The following PRDM1 variants were observed in gnomAD, a reference collection of about 807,000 sequenced individuals.
The protein encoded by PRDM1 is PR domain zinc finger protein 1.
In PRDM1, 13 loss-of-function variants were observed where a neutral mutation model predicts 62.8. The ratio of observed to expected loss-of-function variants is 0.21; its 90% CI spans 0.13 to 0.33. PRDM1 has a LOEUF of 0.33. Among genes scored for constraint, PRDM1 ranks in the 10% least tolerant of loss-of-function variants. PRDM1 has a pLI of 1.00. For missense variants in PRDM1, 895 were observed against 1,058.8 expected (o/e 0.85, Z 2.15); for synonymous variants, 396 against 417.6 (o/e 0.95, Z 0.63).
intron 1 of PRDM1, among the ~76,000 whole-genome samples, chr6:106,059,292 G>A (rs1162395607): frequency 6.6e-6 from 1 of 152,174 alleles, no homozygotes; most frequent in Non-Finnish European, 1.5e-5. Flanking sequence ...GAGCTCTGTA[G>A]ACCAAAAAAG....
chr6:106,086,388 C>G lies in PRDM1; in HGVS notation c.-166C>G, dbSNP rs1454604021. On this transcript the variant is annotated 5_prime_UTR_variant, in exon 1 of 7. Transcript: ENST00000369096. ...TCGGCCCTCCAGTGTTGCGGAGAGGCAAGAGCAGCGACCGCGGCACCTGTC... is the reference window on the plus strand; with the variant it reads ...TCGGCCCTCCAGTGTTGCGGAGAGGGAAGAGCAGCGACCGCGGCACCTGTC... The G allele has an allele frequency of 1.7e-6, 1 of 598,810 alleles. No homozygotes were observed. The highest frequency in any genetic ancestry group is 2.9e-5 in the East Asian group (1 of 34,760). The allele number at this position is 598,810 out of a possible 1,614,324, so 37.1% of individuals were successfully genotyped here.
chr6:106,054,748 C>A (rs1426098546), intron 1 of PRDM1, among the ~76,000 whole-genome samples: 3 of 152,242 alleles, frequency 2.0e-5, no homozygotes, highest in East Asian at 1.9e-4. Context: ...TTGGAATGAA[C>A]AATAGCTATA....
chr6:106,085,365 C>A (rs138765774), upstream of PRDM1, among the ~76,000 whole-genome samples: 521 of 152,252 alleles, frequency 3.4e-3, 4 homozygotes, highest in African/African-American at 0.012. Flanking sequence ...GGGGTGTTTG[C>A]TATAAACATT....
Position 106,105,192 on chromosome 6 carries a change from C to G in PRDM1, c.1032C>G (p.Asp344Glu), listed in dbSNP as rs1287672190. The change falls in exon 5 of 7, where the codon GAC becomes GAG. Residue 344 changes from aspartate to glutamate, a missense_variant. Physicochemically the swap from Asp to Glu is conservative, Grantham distance 45. Coordinates refer to ENST00000369096, the MANE Select transcript of PRDM1 (RefSeq NM_001198.4). ...TPSPSARSSPDQSLKSSSPHS... is the reference protein window; with the variant it reads ...TPSPSARSSPEQSLKSSSPHS... ...GCCCCTCTGCAAGAAGCAGCCCCGA[C>G]CAAAGCCTCAAGAGCTCCAGCCCTC... 1.9e-6 allele frequency: 3 copies of G among 1,613,484 alleles called. No individual in the cohort carries two copies. Among genetic ancestry groups the G allele is most frequent in the Non-Finnish European group, 2.5e-6 (3 of 1,179,944 alleles).
intron 1 of PRDM1, among the ~76,000 whole-genome samples, chr6:106,034,619 C>T (rs1205142809): frequency 7.2e-6 from 1 of 139,592 alleles, no homozygotes; most frequent in Non-Finnish European, 1.5e-5. Context: ...GTCTTACAGT[C>T]TTTCATGTTC....
upstream of PRDM1, among the ~76,000 whole-genome samples, chr6:106,085,667 G>T (rs920266626): frequency 4.6e-5 from 7 of 152,118 alleles, no homozygotes; most frequent in African/African-American, 7.2e-5. Context: ...AACGACTAAT[G>T]CTCTACATTT....
chr6:106,073,528 C>T (rs1773554407), intron 1 of PRDM1, among the ~76,000 whole-genome samples: 1 of 152,182 alleles, frequency 6.6e-6, no homozygotes, highest in South Asian at 2.1e-4. Context: ...TGTCTATGTT[C>T]TCTGGTCAGC....
chr6:106,016,937 C>G, intron 1 of PRDM1, among the ~76,000 whole-genome samples: 1 of 152,148 alleles, frequency 6.6e-6, no homozygotes, highest in East Asian at 1.9e-4. Flanking sequence ...CAGGCATGAG[C>G]CACCGTGCCT....
intron 1 of PRDM1, among the ~76,000 whole-genome samples, chr6:106,006,964 C>T (rs1772491092): frequency 6.6e-6 from 1 of 152,002 alleles, no homozygotes; most frequent in South Asian, 2.1e-4. Flanking sequence ...CATGGCAACA[C>T]ACTGCACTCA....
chr6:106,081,335 A>G (rs1773691278), upstream of PRDM1, among the ~76,000 whole-genome samples: 1 of 152,184 alleles, frequency 6.6e-6, no homozygotes, highest in Admixed American at 6.5e-5. Flanking sequence ...CTTAGGATCC[A>G]TTACAGAACC....
At chr6:106,026,642 G>T (rs1772771028) in intron 1 of PRDM1, among the ~76,000 whole-genome samples, 1 of 152,164 alleles carries the variant, frequency 6.6e-6, no homozygotes, top group Non-Finnish European at 1.5e-5. Flanking sequence ...TGTCCAGTGT[G>T]GATGGATGAC....
intron 1 of PRDM1, among the ~76,000 whole-genome samples, chr6:106,016,876 A>G (rs1239903175): frequency 1.3e-5 from 2 of 151,672 alleles, no homozygotes; most frequent in African/African-American, 2.4e-5. Context: ...ATGGTCTCGA[A>G]CTCTTGACTT....
At chr6:106,051,990 C>A (rs1773182947) in intron 1 of PRDM1, among the ~76,000 whole-genome samples, 1 of 152,052 alleles carries the variant, frequency 6.6e-6, no homozygotes, top group Non-Finnish European at 1.5e-5. Context: ...AGTTCATAGA[C>A]ACAGAAAGTA....
chr6:106,055,137 C>G (rs766771904), intron 1 of PRDM1, among the ~76,000 whole-genome samples: 1 of 152,176 alleles, frequency 6.6e-6, no homozygotes, highest in African/African-American at 2.4e-5. Flanking sequence ...ATAATTCTCA[C>G]GAAGCATGAC....
chr6:106,026,756 G>A (rs932535462), intron 1 of PRDM1, among the ~76,000 whole-genome samples: 2 of 152,208 alleles, frequency 1.3e-5, no homozygotes, highest in African/African-American at 4.8e-5. Flanking sequence ...ATACAAAGAT[G>A]TGTGTTTGTA....
At chr6:106,057,874 G>C (rs1371995832) in intron 1 of PRDM1, among the ~76,000 whole-genome samples, 1 of 152,046 alleles carries the variant, frequency 6.6e-6, no homozygotes, top group African/African-American at 2.4e-5. Context: ...ACAAGTATAG[G>C]TAAGACAGAA....
At chr6:106,091,508 G>A (rs962789827) in intron 2 of PRDM1, among the ~76,000 whole-genome samples, 9 of 152,296 alleles carry the variant, frequency 5.9e-5, no homozygotes, top group Non-Finnish European at 8.8e-5. Context: ...TGCCGGGCGC[G>A]GTGGCTCACG....
At chr6:106,033,732 G>T (rs1466048694) in intron 1 of PRDM1, among the ~76,000 whole-genome samples, 2 of 151,750 alleles carry the variant, frequency 1.3e-5, no homozygotes, top group African/African-American at 2.4e-5. Flanking sequence ...GACTAGCTTT[G>T]GTATCAGGAT....
Position 106,101,948 on chromosome 6 carries a change from C to T in PRDM1, c.664+2396C>T, listed in dbSNP as rs915402005. 3.9e-5 allele frequency among the ~76,000 whole-genome samples: 6 copies of T among 152,272 alleles called. No homozygotes were observed. The East Asian group carries it at 1.2e-3, about 29-fold the overall frequency. On this transcript the variant is annotated intron_variant, in intron 4 of 6. Transcript: ENST00000369096. ...GAACTAATAAGTTTGAAACCCCTAC[C>T]CCTCCCAAATTTGGCAGGGGGGGAG... is the stretch of plus-strand genomic sequence containing the variant.
Sources: allele counts gnomAD v4.1 joint callset (sites outside exome capture counted in the v4.1 genomes callset), GRCh38; gene constraint gnomAD v4.1.1; transcripts MANE v1.5; gene names NCBI Gene and HGNC (gene_info 2026-07-23, HGNC 2026-07-21).